The following RAB3C variants were observed in gnomAD, a reference collection of about 807,000 sequenced individuals.
The protein encoded by RAB3C is RAB3C, member RAS oncogene family.
In RAB3C, 17 loss-of-function variants were observed where a neutral mutation model predicts 26.4. The observed-to-expected ratio is 0.64, with a 90% CI of 0.44 to 0.97. The LOEUF (loss-of-function observed/expected upper bound fraction) is 0.97. Among genes scored for constraint, RAB3C ranks in the 50% least tolerant of loss-of-function variants. The pLI is 0.00. For missense variants in RAB3C, 242 were observed against 281.9 expected (o/e 0.86, Z 1.01); for synonymous variants, 91 against 95.9 (o/e 0.95, Z 0.30).
At chr5:58,788,096 T>G (rs1388764575) in intron 3 of RAB3C, among the ~76,000 whole-genome samples, 1 of 152,232 alleles carries the variant, frequency 6.6e-6, no homozygotes, top group African/African-American at 2.4e-5. Context: ...ACTGTTTATT[T>G]CTTCACCAAG....
intron 3 of RAB3C, among the ~76,000 whole-genome samples, chr5:58,738,431 G>A (rs918061578): frequency 1.3e-5 from 2 of 152,152 alleles, no homozygotes; most frequent in Non-Finnish European, 2.9e-5. Flanking sequence ...GTGTGCATGC[G>A]TGTAACTCAG....
At chr5:58,598,974 A>G (rs947395299) in intron 1 of RAB3C, among the ~76,000 whole-genome samples, 1 of 152,172 alleles carries the variant, frequency 6.6e-6, no homozygotes, top group Non-Finnish European at 1.5e-5. Context: ...ACACATACCA[A>G]CACTTTTCCT....
At chr5:58,850,054 A>G (rs746241069) in intron 4 of RAB3C, among the ~76,000 whole-genome samples, 27 of 152,188 alleles carry the variant, frequency 1.8e-4, no homozygotes, top group Non-Finnish European at 2.9e-4. Context: ...ACACATCCTA[A>G]ATCAACGTCC....
At position 58,723,867 on chromosome 5, in the gene RAB3C, T is replaced by G. The variant is rs75656146; in HGVS notation, c.253-2135T>G. On this transcript the variant is annotated intron_variant, in intron 2 of 4. Transcript: ENST00000282878. Reference sequence around the variant, plus strand: ...ATATTTCTGTCCAAACTGCTAAGCATCTAAAGAGTACTAGGAAAGAGAAGT... The same window carrying G: ...ATATTTCTGTCCAAACTGCTAAGCAGCTAAAGAGTACTAGGAAAGAGAAGT... 9.7e-4 allele frequency among the ~76,000 whole-genome samples: 148 copies of G among 151,864 alleles called. 1 individual carries two copies. The East Asian group carries it at 0.021, about 22-fold the overall frequency.
chr5:58,664,454 G>A (rs551602403), intron 2 of RAB3C, among the ~76,000 whole-genome samples: 28 of 152,234 alleles, frequency 1.8e-4, no homozygotes, highest in African/African-American at 6.5e-4. Context: ...TCAGAATAGC[G>A]GTTGCTAGGG....
chr5:58,767,024 G>C (rs1053727327), intron 3 of RAB3C, among the ~76,000 whole-genome samples: 2 of 152,008 alleles, frequency 1.3e-5, no homozygotes, highest in African/African-American at 2.4e-5. Context: ...CAGCGGGGGG[G>C]ACTCAGACAG....
intron 2 of RAB3C, among the ~76,000 whole-genome samples, chr5:58,674,875 T>A (rs1445350963): frequency 6.6e-6 from 1 of 151,898 alleles, no homozygotes. Flanking sequence ...AAAAAAGGTC[T>A]TTATAAACCT....
chr5:58,672,402 C>T (rs998091834), intron 2 of RAB3C, among the ~76,000 whole-genome samples: 2 of 152,176 alleles, frequency 1.3e-5, no homozygotes, highest in Non-Finnish European at 1.5e-5. Context: ...AACTTCATAC[C>T]TGCACTGTTA....
At position 58,598,813 on chromosome 5, in the gene RAB3C, T is replaced by C. The variant is rs181535020; in HGVS notation, c.24+15581T>C. Among the ~76,000 whole-genome samples the C allele has an allele frequency of 1.9e-4, 29 of 152,274 alleles. No homozygotes were observed. In the East Asian group the frequency reaches 5.6e-3, roughly 29 times the overall value. On this transcript the variant is annotated intron_variant, in intron 1 of 4. Transcript: ENST00000282878. ...AATTATGAAAGTCTCAGGAAAGTGT[T>C]GGGTGTTAAAACCTTTTGCCCTCTG...
At position 58,857,144 on chromosome 5, in the gene RAB3C, G is replaced by T. The variant is rs1330434415; in HGVS notation, c.*5793G>T. The T allele has an allele frequency of 1.3e-5, 2 of 152,168 alleles. No homozygotes were observed. Among genetic ancestry groups the T allele is most frequent in the Non-Finnish European group, 2.9e-5 (2 of 68,024 alleles). 9.4% of individuals were successfully genotyped at this position (152,168 alleles called of 1,614,324 possible). A position where few individuals can be genotyped will look rare whatever the true frequency, so the allele number is the denominator to read the frequency against. On this transcript the variant is annotated 3_prime_UTR_variant, in exon 5 of 5. Coordinates refer to ENST00000282878, the MANE Select transcript of RAB3C (RefSeq NM_138453.4). Reference sequence around the variant, plus strand: ...AGTGTATATAAACTAGTATGAAAGAGTGAATTATAATGAATGTGTGAGATG... The same window carrying T: ...AGTGTATATAAACTAGTATGAAAGATTGAATTATAATGAATGTGTGAGATG...
intron 2 of RAB3C, among the ~76,000 whole-genome samples, chr5:58,640,934 G>C (rs1380124896): frequency 2.0e-5 from 3 of 152,108 alleles, no homozygotes; most frequent in African/African-American, 7.2e-5. Flanking sequence ...TTGTACTCTT[G>C]TTTTAGGAAT....
At chr5:58,595,002 T>A (rs1246392066) in intron 1 of RAB3C, among the ~76,000 whole-genome samples, 1 of 152,122 alleles carries the variant, frequency 6.6e-6, no homozygotes, top group Non-Finnish European at 1.5e-5. Context: ...GAGCTATTCC[T>A]CATTTTGTGT....
intron 2 of RAB3C, among the ~76,000 whole-genome samples, chr5:58,724,215 G>C (rs148952526): frequency 1.6e-3 from 241 of 151,634 alleles, no homozygotes; most frequent in African/African-American, 5.4e-3. Context: ...CAATTTTTGT[G>C]TGCTGCTCTC....
intron 2 of RAB3C, among the ~76,000 whole-genome samples, chr5:58,721,248 CAAAAA>C (rs61668251): frequency 3.8e-5 from 4 of 106,540 alleles, no homozygotes; most frequent in African/African-American, 1.2e-4. Context: ...ATTTTTTTTT[CAAAAA>C]AAAAAAAAAA....
At position 58,617,635 on chromosome 5, in the gene RAB3C, T is replaced by TA. The variant is rs760095930; in HGVS notation, c.25-7dup. On this transcript the variant is annotated splice_polypyrimidine_tract_variant and splice_region_variant and intron_variant, in intron 1 of 4. Transcript: ENST00000282878. ...TTTTGTTTTTGTTTTGTTTTGTTTT[T>TA]ATCACAGATGGCCTCTGCCCAAGAT... 2.1e-4 allele frequency: 336 copies of TA among 1,608,076 alleles called. No homozygotes were observed. The highest frequency in any genetic ancestry group is 1.2e-3 in the Middle Eastern group (7 of 6,054).
intron 3 of RAB3C, among the ~76,000 whole-genome samples, chr5:58,809,862 T>C (rs564989846): frequency 1.4e-4 from 22 of 152,352 alleles, no homozygotes; most frequent in Admixed American, 2.6e-4. Context: ...ACCCAGTCTA[T>C]AGCATTTTGT....
At chr5:58,599,237 A>G (rs1746397001) in intron 1 of RAB3C, among the ~76,000 whole-genome samples, 1 of 152,138 alleles carries the variant, frequency 6.6e-6, no homozygotes, top group African/African-American at 2.4e-5. Context: ...AATAGAAAAT[A>G]GGTGGAATGG....
rs545164121 is a variant in RAB3C, at chr5:58,609,409, G to GTTCTGT, written c.25-8232_25-8227dup. Among the ~76,000 whole-genome samples the GTTCTGT allele has an allele frequency of 3.0e-4, 46 of 152,200 alleles. 1 individual carries two copies. The South Asian group carries it at 9.1e-3, about 30-fold the overall frequency. ...AGTAGCCTTTGAAATGTACCAGAAG[G>GTTCTGT]TTCTGTTCCTTTAAAAGGGGGATGC... On this transcript the variant is annotated intron_variant, in intron 1 of 4. Coordinates refer to ENST00000282878, the MANE Select transcript of RAB3C (RefSeq NM_138453.4).
At chr5:58,750,042 T>C (rs776467762) in intron 3 of RAB3C, among the ~76,000 whole-genome samples, 19 of 152,194 alleles carry the variant, frequency 1.2e-4, no homozygotes, top group Admixed American at 3.9e-4. Context: ...TCATACTGTA[T>C]TATAATTTAT....
Sources: gnomAD v4.1 joint callset for allele counts (sites outside exome capture counted in the v4.1 genomes callset) on GRCh38, gnomAD v4.1.1 for gene constraint, MANE v1.5 for transcripts, NCBI Gene and HGNC (gene_info 2026-07-23, HGNC 2026-07-21) for gene names.